PCDHGB4: variants seen among roughly 807,000 people sequenced by gnomAD.
PCDHGB4 encodes protocadherin gamma-B4.
In PCDHGB4, 38 loss-of-function variants were observed where a neutral mutation model predicts 60.5. That is an observed-to-expected ratio of 0.63 (90% CI 0.48 to 0.82). The LOEUF is 0.82. Ranked by LOEUF, PCDHGB4 falls within the 40% of genes least tolerant of loss-of-function variation. The pLI, the probability that PCDHGB4 is intolerant of heterozygous loss-of-function variation, is 0.00. For synonymous variants in PCDHGB4, 456 were observed against 509.7 expected, an observed-to-expected ratio of 0.89 and a Z score of 1.42; for missense variants, 1,109 against 1,209.6, an observed-to-expected ratio of 0.92 and a Z score of 1.23.
At chr5:141,403,590 C>A (rs770895828) in intron 1 of PCDHGB4, 7 of 1,613,866 alleles carry the variant, frequency 4.3e-6, no homozygotes, top group Non-Finnish European at 5.1e-6. Context: ...CTGGTCCTCA[C>A]GGCCTCGGAT....
chr5:141,511,730 T>C lies in PCDHGB4; in HGVS notation c.*557T>C, dbSNP rs772107999. 5.1e-5 allele frequency: 9 copies of C among 177,790 alleles called. No homozygotes were observed. The highest frequency in any genetic ancestry group is 5.3e-5 in the Admixed American group (1 of 18,706). The allele number at this position is 177,790 out of a possible 1,614,324, so 11.0% of individuals were successfully genotyped here. On this transcript the variant is annotated 3_prime_UTR_variant, in exon 4 of 4. Transcript: ENST00000519479. ...ACCTCCTTCCAGAGCCCAAGATCAA[T>C]GCTCAAGTTTTGGAGGACATGATCA...
intron 1 of PCDHGB4, among the ~76,000 whole-genome samples, chr5:141,397,686 T>C (rs963267542): frequency 7.2e-5 from 11 of 152,372 alleles, no homozygotes; most frequent in Middle Eastern, 3.4e-3. Flanking sequence ...TGCAGGTTTG[T>C]ATAAAAACCC....
intron 1 of PCDHGB4, chr5:141,405,082 G>C: frequency 6.2e-7 from 1 of 1,613,794 alleles, no homozygotes; most frequent in East Asian, 2.2e-5. Context: ...TCGTTATCAC[G>C]CTGCTGGCCC....
At chr5:141,423,563 C>G (rs745802952) in intron 1 of PCDHGB4, 3 of 1,613,550 alleles carry the variant, frequency 1.9e-6, no homozygotes, top group Admixed American at 1.7e-5. Flanking sequence ...TATGGGGACA[C>G]GCTCATCAGC....
chr5:141,414,624 G>A (rs764233527), intron 1 of PCDHGB4: 5 of 1,613,814 alleles, frequency 3.1e-6, no homozygotes, highest in African/African-American at 2.7e-5. Flanking sequence ...CGCTGGACCC[G>A]GACAGCAAAG....
chr5:141,482,967 AGCAGCTACTT>A (rs2099575323), intron 1 of PCDHGB4, among the ~76,000 whole-genome samples: 1 of 58,122 alleles, frequency 1.7e-5, no homozygotes, highest in African/African-American at 2.6e-4. Flanking sequence ...CAGCTACTTG[AGCAGCTACTT>A]GAGAGGTCGA....
chr5:141,403,925 G>A, intron 1 of PCDHGB4: 1 of 1,613,868 alleles, frequency 6.2e-7, no homozygotes, highest in South Asian at 1.1e-5. Flanking sequence ...TGAAGATGGT[G>A]GGGGATTGAA....
chr5:141,471,591 A>T (rs925105880), intron 1 of PCDHGB4: 1 of 152,294 alleles, frequency 6.6e-6, no homozygotes, highest in South Asian at 2.1e-4. Context: ...AGTAATTGAT[A>T]GTTTCAAAAT....
intron 1 of PCDHGB4, chr5:141,423,675 T>C: frequency 1.3e-6 from 2 of 1,540,488 alleles, no homozygotes; most frequent in Non-Finnish European, 1.7e-6. Flanking sequence ...GATTTATTTC[T>C]CTGCCTCCTA....
chr5:141,428,180 C>A, intron 1 of PCDHGB4: 1 of 1,486,268 alleles, frequency 6.7e-7, no homozygotes, highest in Non-Finnish European at 9.2e-7. Flanking sequence ...TGACGGAGGA[C>A]AGCCGCCGCT....
intron 1 of PCDHGB4, chr5:141,441,116 C>G (rs1358636787): frequency 3.3e-5 from 5 of 152,156 alleles, no homozygotes; most frequent in Non-Finnish European, 7.3e-5. Context: ...GTCCAGTGTA[C>G]AGTTGAGACC....
chr5:141,390,464 T>C (rs2092153361), intron 1 of PCDHGB4, 183 bp downstream of exon 1: 3 of 718,912 alleles, frequency 4.2e-6, no homozygotes, highest in Admixed American at 3.0e-5. Flanking sequence ...GTAGGAGCAA[T>C]TGTGTGGCCC....
chr5:141,499,888 A>G (rs574246186), intron 2 of PCDHGB4, among the ~76,000 whole-genome samples: 105 of 152,174 alleles, frequency 6.9e-4, no homozygotes, highest in African/African-American at 2.4e-3. Flanking sequence ...GGGTTTCGCC[A>G]TGTTGGCCAG....
intron 1 of PCDHGB4, chr5:141,478,642 T>C (rs777741719): frequency 6.4e-7 from 1 of 1,552,350 alleles, no homozygotes; most frequent in Non-Finnish European, 8.7e-7. Context: ...GTGATGAAGA[T>C]GTTTTCCTGG....
At chr5:141,419,139 G>C in intron 1 of PCDHGB4, 1 of 1,613,916 alleles carries the variant, frequency 6.2e-7, no homozygotes, top group South Asian at 1.1e-5. Flanking sequence ...GCCACAGACA[G>C]GGGCAAGCCT....
At position 141,486,055 on chromosome 5, in the gene PCDHGB4, C is replaced by T; in HGVS notation, c.2398-8752C>T. 6.2e-7 allele frequency: 1 copy of T among 1,614,170 alleles called. No individual in the cohort carries two copies. ...CTGATCGTGTAAGAAACCTCTTTAG[C>T]CTGCACCCCACTACTGGAAAGCTTA... On this transcript the variant is annotated intron_variant, in intron 1 of 3. Transcript: ENST00000519479. The surrounding 1 kb of genome is among the most constrained non-coding windows in gnomAD (Gnocchi z 5.0).
chr5:141,402,979 C>G (rs372858164), intron 1 of PCDHGB4: 9 of 1,608,716 alleles, frequency 5.6e-6, no homozygotes, highest in Non-Finnish European at 7.6e-6. Flanking sequence ...AATGCCAGCT[C>G]CGCGGAAGAT....
At chr5:141,465,494 G>C (rs2099104306) in intron 1 of PCDHGB4, among the ~76,000 whole-genome samples, 1 of 152,204 alleles carries the variant, frequency 6.6e-6, no homozygotes, top group African/African-American at 2.4e-5. Context: ...ATGAGCGGGA[G>C]CATTGTCGTG....
chr5:141,433,305 C>T, intron 1 of PCDHGB4: 1 of 931,032 alleles, frequency 1.1e-6, no homozygotes, highest in Non-Finnish European at 1.6e-6. Flanking sequence ...GCAATTATCC[C>T]ACCTTTGCCT....
Sources: gnomAD v4.1 joint callset for allele counts (sites outside exome capture counted in the v4.1 genomes callset) on GRCh38, gnomAD v4.1.1 for gene constraint, Gnocchi (gnomAD v3.1) non-coding constraint, MANE v1.5 for transcripts, NCBI Gene and HGNC (gene_info 2026-07-23, HGNC 2026-07-21) for gene names.